MDFIC2: variants seen among roughly 807,000 people sequenced by gnomAD.
MDFIC2 encodes the protein myoD family inhibitor domain-containing protein 2.
At chr3:70,203,540 T>C (rs1701261206) in intron 3 of MDFIC2, among the ~76,000 whole-genome samples, 1 of 152,162 alleles carries the variant, frequency 6.6e-6, no homozygotes, top group African/African-American at 2.4e-5. Context: ...ATTTGGGTGA[T>C]ACTAAGTAAA....
intron 2 of MDFIC2, among the ~76,000 whole-genome samples, chr3:70,270,220 C>A (rs1380271879): frequency 6.6e-6 from 1 of 152,104 alleles, no homozygotes; most frequent in East Asian, 1.9e-4. Context: ...GTCTCAATGA[C>A]CAGTTGGTTT....
intron 2 of MDFIC2, among the ~76,000 whole-genome samples, chr3:70,284,916 G>A (rs926370744): frequency 1.3e-5 from 2 of 152,070 alleles, no homozygotes; most frequent in African/African-American, 4.8e-5. Flanking sequence ...AAACAAAAAA[G>A]AGTAAATGGC....
At chr3:70,223,554 T>TCC (rs1701478195) in intron 2 of MDFIC2, among the ~76,000 whole-genome samples, 1 of 152,074 alleles carries the variant, frequency 6.6e-6, no homozygotes, top group Middle Eastern at 3.2e-3. Context: ...TGAGGTTGTC[T>TCC]CCCCCACCAA....
chr3:70,286,146 T>A (rs1368523251), intron 2 of MDFIC2, among the ~76,000 whole-genome samples: 1 of 152,258 alleles, frequency 6.6e-6, no homozygotes, highest in Non-Finnish European at 1.5e-5. Context: ...GCCTATGTCC[T>A]GAATGGTAAT....
At chr3:70,209,315 A>C (rs773303192) in intron 2 of MDFIC2, among the ~76,000 whole-genome samples, 1 of 152,082 alleles carries the variant, frequency 6.6e-6, no homozygotes, top group Non-Finnish European at 1.5e-5. Flanking sequence ...AAATGTTTGT[A>C]GATATTGCTG....
chr3:70,227,577 A>G (rs1701519945), intron 2 of MDFIC2, among the ~76,000 whole-genome samples: 1 of 152,244 alleles, frequency 6.6e-6, no homozygotes, highest in Non-Finnish European at 1.5e-5. Context: ...GAAAGTGAAA[A>G]GTTGAACATA....
chr3:70,254,956 G>T, intron 2 of MDFIC2, among the ~76,000 whole-genome samples: 1 of 152,238 alleles, frequency 6.6e-6, no homozygotes, highest in South Asian at 2.1e-4. Flanking sequence ...TATTATGAAT[G>T]TGCAATAATG....
chr3:70,295,120 C>T (rs1388172496), intron 2 of MDFIC2, among the ~76,000 whole-genome samples: 1 of 152,168 alleles, frequency 6.6e-6, no homozygotes, highest in Admixed American at 6.5e-5. Flanking sequence ...AGTCAGAATT[C>T]TTCCAACTTC....
At chr3:70,297,445 C>T (rs1210756536) in intron 2 of MDFIC2, among the ~76,000 whole-genome samples, 3 of 151,906 alleles carry the variant, frequency 2.0e-5, no homozygotes, top group East Asian at 1.9e-4. Flanking sequence ...TTAACCCTCA[C>T]GTTGTTTATT....
intron 2 of MDFIC2, among the ~76,000 whole-genome samples, chr3:70,267,652 G>T (rs1463990756): frequency 3.4e-5 from 5 of 147,052 alleles, no homozygotes; most frequent in Non-Finnish European, 5.9e-5. Flanking sequence ...TCCTGACCTC[G>T]AGGTCCGCCT....
intron 3 of MDFIC2, chr3:70,205,451 A>G (rs1701280601): frequency 4.6e-5 from 7 of 152,166 alleles, no homozygotes. Flanking sequence ...TACATAATAT[A>G]TGATAGAAAT....
chr3:70,307,547 G>A (rs1018180193), intron 2 of MDFIC2, among the ~76,000 whole-genome samples: 3 of 151,718 alleles, frequency 2.0e-5, no homozygotes, highest in African/African-American at 4.8e-5. Context: ...CCTCCATAAA[G>A]TTTTCACATT....
intron 2 of MDFIC2, among the ~76,000 whole-genome samples, chr3:70,279,885 G>A (rs1329297276): frequency 1.3e-5 from 2 of 152,138 alleles, no homozygotes; most frequent in East Asian, 3.9e-4. Flanking sequence ...CTGGTTCTTT[G>A]TCAAATGGTG....
chr3:70,268,544 C>T (rs1701945770), intron 2 of MDFIC2, among the ~76,000 whole-genome samples: 1 of 150,946 alleles, frequency 6.6e-6, no homozygotes, highest in African/African-American at 2.4e-5. Flanking sequence ...CCTACACTGA[C>T]ACATCAACAC....
chr3:70,266,279 C>T (rs902129124), intron 2 of MDFIC2, among the ~76,000 whole-genome samples: 2 of 151,288 alleles, frequency 1.3e-5, no homozygotes, highest in Non-Finnish European at 2.9e-5. Flanking sequence ...TAATTATGTA[C>T]TTCTAATGTC....
intron 2 of MDFIC2, among the ~76,000 whole-genome samples, chr3:70,267,333 A>G (rs554402399): frequency 1.2e-3 from 181 of 150,802 alleles, no homozygotes; most frequent in Admixed American, 2.7e-3. Flanking sequence ...CAAGTTTTCC[A>G]TGAGACCTAC....
At chr3:70,254,437 C>T (rs538927211) in intron 2 of MDFIC2, among the ~76,000 whole-genome samples, 1 of 152,156 alleles carries the variant, frequency 6.6e-6, no homozygotes, top group Non-Finnish European at 1.5e-5. Context: ...TAACATGATC[C>T]ATTTTAGACA....
intron 2 of MDFIC2, among the ~76,000 whole-genome samples, chr3:70,269,290 C>T (rs943321209): frequency 6.6e-6 from 1 of 152,102 alleles, no homozygotes; most frequent in Non-Finnish European, 1.5e-5. Context: ...TAAGTTTAGC[C>T]TAAAGCTGGC....
intron 2 of MDFIC2, among the ~76,000 whole-genome samples, chr3:70,304,550 C>T (rs1575621140): frequency 1.3e-5 from 2 of 152,160 alleles, no homozygotes; most frequent in Middle Eastern, 3.2e-3. Context: ...AGCCGGGGGT[C>T]AGCCTTTGAT....
Sources: gnomAD v4.1 joint callset for allele counts (sites outside exome capture counted in the v4.1 genomes callset) on GRCh38, gnomAD v4.1.1 for gene constraint, MANE v1.5 for transcripts, NCBI Gene and HGNC (gene_info 2026-07-23, HGNC 2026-07-21) for gene names.